Variants in GRIK2 observed in about 807,000 individuals in gnomAD.
GRIK2 encodes glutamate receptor ionotropic, kainate 2.
GRIK2 carries 32 observed loss-of-function variants against 100.3 expected under a neutral mutation model. The observed-to-expected ratio is 0.32, with a 90% CI of 0.24 to 0.43. The LOEUF is 0.43. Ranked by LOEUF, GRIK2 falls within the 20% of genes least tolerant of loss-of-function variation. The pLI, the probability that GRIK2 is intolerant of heterozygous loss-of-function variation, is 1.00. For missense variants in GRIK2, 843 were observed against 1,114.9 expected (o/e 0.76, Z 3.47); for synonymous variants, 417 against 389.4 (o/e 1.07, Z -0.83).
At chr6:101,963,369 C>T (rs1223048) in intron 14 of GRIK2, among the ~76,000 whole-genome samples, 42,453 of 131,660 alleles carry the variant, frequency 0.32, 6,834 homozygotes, top group Middle Eastern at 0.46. Flanking sequence ...ACCATCTCAG[C>T]TTACTGCAAG....
intron 14 of GRIK2, among the ~76,000 whole-genome samples, chr6:102,016,504 A>G (rs1013246689): frequency 6.6e-6 from 1 of 151,690 alleles, no homozygotes; most frequent in African/African-American, 2.4e-5. Flanking sequence ...CATTGTGCAC[A>G]TGTACCCTAA....
chr6:101,889,620 T>G lies in GRIK2; in HGVS notation c.1525-20T>G. 18 of 1,102,744 alleles carry G rather than the reference T, an allele frequency of 1.6e-5. No homozygotes were observed. The highest frequency in any genetic ancestry group is 5.2e-5 in the South Asian group (3 of 57,966). 68.3% of individuals were successfully genotyped at this position (1,102,744 alleles called of 1,614,324 possible). On this transcript the variant is annotated intron_variant, in intron 11 of 16. Coordinates refer to ENST00000369134, the MANE Select transcript of GRIK2 (RefSeq NM_021956.5). ...TTCTTTCTTTCTTTTTTTTTTTTTT[T>G]TGTTTGTTTCTGTCTACAGAAAGCT...
At chr6:101,500,894 C>T (rs1203665621) in intron 2 of GRIK2, among the ~76,000 whole-genome samples, 1 of 151,802 alleles carries the variant, frequency 6.6e-6, no homozygotes, top group African/African-American at 2.4e-5. Context: ...TAAGTTATTC[C>T]AAATGTTTAG....
At chr6:101,592,160 A>G (rs1159045484) in intron 2 of GRIK2, among the ~76,000 whole-genome samples, 2 of 152,066 alleles carry the variant, frequency 1.3e-5, no homozygotes, top group African/African-American at 4.8e-5. Context: ...TACAGCCTGC[A>G]GAACCATGAG....
In GRIK2 at chr6:101,396,246, C is replaced by G. The variant is rs989827466; in HGVS notation, c.-294+2409C>G. On this transcript the variant is annotated intron_variant, in intron 1 of 16. Coordinates refer to ENST00000369134, the MANE Select transcript of GRIK2 (RefSeq NM_021956.5). ...ATAGGGATGTAAATTTAGCATTCCC[C>G]CCCCCCCCAGGAAGTGAGTGAGTTT... is the stretch of plus-strand genomic sequence containing the variant. 2.2e-4 allele frequency among the ~76,000 whole-genome samples: 33 copies of G among 147,380 alleles called. 2 individuals carry two copies. The highest frequency in any genetic ancestry group is 8.1e-4 in the African/African-American group (33 of 40,598).
chr6:101,574,846 CATT>C (rs1313312551), intron 2 of GRIK2, among the ~76,000 whole-genome samples: 4 of 151,696 alleles, frequency 2.6e-5, no homozygotes, highest in Admixed American at 6.6e-5. Context: ...AGTTAGCTAT[CATT>C]AGGCTTTCAG....
chr6:101,548,710 C>T lies in GRIK2; in HGVS notation c.116-73239C>T, dbSNP rs541049219. On this transcript the variant is annotated intron_variant, in intron 2 of 16. Coordinates refer to ENST00000369134, the MANE Select transcript of GRIK2 (RefSeq NM_021956.5). Reference sequence around the variant, plus strand: ...ATCATCACTGTATCATGATCATGATCATCCTCTCATCATGTATAGCATTTG... The same window carrying T: ...ATCATCACTGTATCATGATCATGATTATCCTCTCATCATGTATAGCATTTG... 5.9e-5 allele frequency among the ~76,000 whole-genome samples: 9 copies of T among 152,258 alleles called. No individual in the cohort carries two copies. In the South Asian group the frequency reaches 1.9e-3, roughly 32 times the overall value.
At chr6:101,398,876 C>G (rs1775122586) in intron 1 of GRIK2, 109 bp from the exon 2 acceptor site, 1 of 425,146 alleles carries the variant, frequency 2.4e-6, no homozygotes, top group African/African-American at 2.0e-5. Context: ...CCTGGCAAAA[C>G]CTTTGCTAGC....
intron 14 of GRIK2, among the ~76,000 whole-genome samples, chr6:101,934,122 A>T (rs920846179): frequency 2.0e-5 from 3 of 151,846 alleles, no homozygotes; most frequent in Non-Finnish European, 4.4e-5. Context: ...CATTATGCTC[A>T]TTTAACAGAT....
rs376438483 is a variant in GRIK2, at chr6:101,499,734, T to C, written c.115+100342T>C. 7.9e-5 allele frequency among the ~76,000 whole-genome samples: 12 copies of C among 152,296 alleles called. No individual in the cohort carries two copies. In the East Asian group the frequency reaches 2.1e-3, roughly 27 times the overall value. ...GTCATAGTATATACTATGCCTAATA[T>C]AGTATAACTTATATACTATGTTAGG... On this transcript the variant is annotated intron_variant, in intron 2 of 16. Transcript: ENST00000369134.
chr6:101,488,273 G>T lies in GRIK2; in HGVS notation c.115+88881G>T. The stretch of plus-strand genomic sequence containing the variant: ...TTAAAAGTCCTCTCTAGTAGTAGAA[G>T]TATAACTTCCATAGTTTATGACTCC... On this transcript the variant is annotated intron_variant, in intron 2 of 16. Transcript: ENST00000369134. Among the ~76,000 whole-genome samples, 2 of 146,702 alleles carry T rather than the reference G, an allele frequency of 1.4e-5. 1 individual carries two copies. The highest frequency in any genetic ancestry group is 3.0e-5 in the Non-Finnish European group (2 of 66,628).
Position 102,068,814 on chromosome 6 carries a change from C to T in GRIK2, c.*303C>T, listed in dbSNP as rs1010762417. 1 of 207,538 alleles carries T rather than the reference C, an allele frequency of 4.8e-6. No individual in the cohort carries two copies. Among genetic ancestry groups the T allele is most frequent in the African/African-American group, 2.3e-5 (1 of 43,046 alleles). The allele number at this position is 207,538 out of a possible 1,614,324, so 12.9% of individuals were successfully genotyped here. On this transcript the variant is annotated 3_prime_UTR_variant, in exon 17 of 17. Transcript: ENST00000369134. ...TCAAATGCAGTCCAGTGAGAAATTA[C>T]AGGTTCCTTTTGAAGCTCAACTGTT...
At chr6:101,788,884 C>T (rs1779623502) in intron 7 of GRIK2, among the ~76,000 whole-genome samples, 1 of 151,962 alleles carries the variant, frequency 6.6e-6, no homozygotes, top group Non-Finnish European at 1.5e-5. Context: ...TGTTTCCTGA[C>T]TGTTTAATGA....
intron 4 of GRIK2, among the ~76,000 whole-genome samples, chr6:101,637,450 CCT>C (rs1177583535): frequency 1.3e-5 from 2 of 151,978 alleles, no homozygotes; most frequent in Non-Finnish European, 2.9e-5. Context: ...TAGATTCTTT[CCT>C]CTCTCTCACC....
intron 2 of GRIK2, among the ~76,000 whole-genome samples, chr6:101,421,898 T>C (rs191783316): frequency 6.6e-6 from 1 of 152,288 alleles, no homozygotes; most frequent in East Asian, 1.9e-4. Context: ...AGAAAATAAT[T>C]TGATGGAAAA....
At chr6:101,952,925 T>C (rs1582604668) in intron 14 of GRIK2, among the ~76,000 whole-genome samples, 1 of 152,200 alleles carries the variant, frequency 6.6e-6, no homozygotes, top group African/African-American at 2.4e-5. Flanking sequence ...ATGTACTCAT[T>C]AACAATCATT....
intron 12 of GRIK2, among the ~76,000 whole-genome samples, chr6:101,912,454 A>C (rs2128466193): frequency 6.6e-6 from 1 of 151,642 alleles, no homozygotes; most frequent in East Asian, 1.9e-4. Flanking sequence ...TCATGCTCAA[A>C]GATTATGTTA....
At chr6:101,720,373 A>G (rs1010043961) in intron 7 of GRIK2, among the ~76,000 whole-genome samples, 1 of 152,048 alleles carries the variant, frequency 6.6e-6, no homozygotes, top group South Asian at 2.1e-4. Flanking sequence ...CTCATACCAT[A>G]TATGTTGAAT....
intron 7 of GRIK2, among the ~76,000 whole-genome samples, chr6:101,720,162 CA>C (rs1326328747): frequency 6.6e-6 from 1 of 150,880 alleles, no homozygotes; most frequent in African/African-American, 2.4e-5. Context: ...ATCAAACTTA[CA>C]AAAAAGGGTA....
Sources: allele counts gnomAD v4.1 joint callset (sites outside exome capture counted in the v4.1 genomes callset), GRCh38; gene constraint gnomAD v4.1.1; transcripts MANE v1.5; gene names NCBI Gene and HGNC (gene_info 2026-07-23, HGNC 2026-07-21).